IPO7: variants seen among roughly 807,000 people sequenced by gnomAD.
The protein encoded by IPO7 is importin-7.
IPO7 carries 13 observed loss-of-function variants against 136.4 expected under a neutral mutation model. The ratio of observed to expected loss-of-function variants is 0.10; its 90% CI spans 0.06 to 0.15. The LOEUF is 0.15. Among genes scored for constraint, IPO7 ranks in the 10% least tolerant of loss-of-function variants. IPO7 has a pLI of 1.00. For synonymous variants in IPO7, 403 were observed against 404.4 expected, an observed-to-expected ratio of 1.00 and a Z score of 0.04; for missense variants, 857 against 1,240.6, an observed-to-expected ratio of 0.69 and a Z score of 4.65.
chr11:9,436,081 C>G (rs112510743), intron 19 of IPO7, among the ~76,000 whole-genome samples, 190 bp from the exon 20 acceptor site: 2 of 152,236 alleles, frequency 1.3e-5, no homozygotes, highest in African/African-American at 4.8e-5. Flanking sequence ...GCAGACAGCT[C>G]CAGATCCTCA....
In IPO7 at chr11:9,410,038, G is replaced by C; in HGVS notation, c.431G>C (p.Cys144Ser). The C allele has an allele frequency of 2.5e-6, 4 of 1,603,022 alleles. No individual in the cohort carries two copies. Among genetic ancestry groups the C allele is most frequent in the Non-Finnish European group, 3.4e-6 (4 of 1,176,116 alleles). ...GFYLQSDNSACWLGILLCLYQ... is the reference protein window; with the variant it reads ...GFYLQSDNSASWLGILLCLYQ... ...TATCTTCAGTCCGATAACAGTGCTT[G>C]TTGGCTAGGAATTCTTCTTTGCCTT... is the stretch of plus-strand genomic sequence containing the variant. Residue 144 changes from cysteine to serine, a missense_variant, in exon 4 of 25, where the codon TGT becomes TCT. By Grantham distance (112) the Cys-to-Ser change is moderately radical (BLOSUM62 -1). Transcript: ENST00000379719.
At chr11:9,394,040 G>A (rs541115205) in intron 1 of IPO7, among the ~76,000 whole-genome samples, 6 of 151,914 alleles carry the variant, frequency 3.9e-5, no homozygotes, top group Admixed American at 3.3e-4. Flanking sequence ...GCGCCACCAC[G>A]CCCAGCTAAT....
At chr11:9,409,050 G>T (rs1451094101) in intron 3 of IPO7, among the ~76,000 whole-genome samples, 4 of 151,298 alleles carry the variant, frequency 2.6e-5, no homozygotes, top group South Asian at 2.1e-4. Context: ...GAACATATAG[G>T]CCTGTTTTTT....
chr11:9,434,969 G>C lies in IPO7; in HGVS notation c.2110G>C (p.Asp704His). 1.2e-6 allele frequency: 2 copies of C among 1,605,980 alleles called. No homozygotes were observed. Among genetic ancestry groups the C allele is most frequent in the Non-Finnish European group, 1.7e-6 (2 of 1,173,056 alleles). ...CCTCCTTCATAATTATGTAACAGTTGATACAGACACACTTCTGTCTGACAC... is the reference window on the plus strand; with the variant it reads ...CCTCCTTCATAATTATGTAACAGTTCATACAGACACACTTCTGTCTGACAC... ...MPLLHNYVTV[D>H]TDTLLSDTKY... The change falls in exon 19 of 25, where the codon GAT becomes CAT. Residue 704 changes from aspartate to histidine, a missense_variant. Around this residue, in one of 11 missense-constraint regions of IPO7, gnomAD observed 190 missense variants for 249.0 expected, o/e 0.76. Coordinates refer to ENST00000379719, the MANE Select transcript of IPO7 (RefSeq NM_006391.3).
intron 4 of IPO7, among the ~76,000 whole-genome samples, chr11:9,411,243 GT>G (rs1184398420): frequency 6.6e-6 from 1 of 152,208 alleles, no homozygotes; most frequent in African/African-American, 2.4e-5. Context: ...TTGGAATTCA[GT>G]TCATTTTCAG....
chr11:9,436,413 C>G (rs765536279), intron 20 of IPO7, 47 bp downstream of exon 20: 137 of 1,279,710 alleles, frequency 1.1e-4, no homozygotes, highest in Non-Finnish European at 1.4e-4. Context: ...GTAATCTTTT[C>G]CTTCCACTTT....
rs761975581 is a variant in IPO7 at position 9,445,202 on chromosome 11, C to G, written c.*8C>G. 3 of 1,527,326 alleles carry G rather than the reference C, an allele frequency of 2.0e-6. No homozygotes were observed. The highest frequency in any genetic ancestry group is 1.7e-5 in the Admixed American group (1 of 59,910). 94.6% of individuals were successfully genotyped at this position (1,527,326 alleles called of 1,614,324 possible). On this transcript the variant is annotated 3_prime_UTR_variant, in exon 25 of 25. Coordinates refer to ENST00000379719, the MANE Select transcript of IPO7 (RefSeq NM_006391.3). Reference sequence around the variant, plus strand: ...GCACCAGGGATGAATTGAGTTATCTCTTTCTTTCCTGCTGTGTGCTTGTAG... The same window carrying G: ...GCACCAGGGATGAATTGAGTTATCTGTTTCTTTCCTGCTGTGTGCTTGTAG...
Position 9,406,104 on chromosome 11 carries a change from C to CTTTTTTTTTT in IPO7, c.167-2363_167-2354dup, listed in dbSNP as rs71062847. On this transcript the variant is annotated intron_variant, in intron 2 of 24. Transcript: ENST00000379719. ...ATCTCACTATGTTGCTGAGGCTGGT[C>CTTTTTTTTTT]TTTTTTTTTTTTTTTTTTTTTTTTT... 4.9e-5 allele frequency among the ~76,000 whole-genome samples: 3 copies of CTTTTTTTTTT among 61,816 alleles called. 1 individual carries two copies. In the Admixed American group the frequency reaches 9.2e-4, roughly 19 times the overall value. The allele number at this position is 61,816 out of a possible 152,430, so 40.6% of individuals were successfully genotyped here.
chr11:9,420,435 G>A lies in IPO7; in HGVS notation c.751G>A (p.Asp251Asn). The A allele has an allele frequency of 6.2e-7, 1 of 1,610,990 alleles. No individual in the cohort carries two copies. Among genetic ancestry groups the A allele is most frequent in the Non-Finnish European group, 8.5e-7 (1 of 1,178,718 alleles). ...GGAAACACTTCAAGTTGAAGAAGAT[G>A]ATCGACCTGAGTTACCATGGTGGAA... ...PNETLQVEED[D>N]RPELPWWKCK... The change falls in exon 7 of 25, where the codon GAT (aspartate) becomes AAT (asparagine). Residue 251 changes from aspartate (D) to asparagine (N), a missense_variant. Asp to Asn is a conservative substitution (Grantham distance 23). This residue lies in a region of IPO7 where 287 missense variants were observed against 307.5 expected (regional missense o/e 0.93). Transcript: ENST00000379719.
intron 5 of IPO7, among the ~76,000 whole-genome samples, chr11:9,416,348 T>C (rs1855042237): frequency 6.6e-6 from 1 of 152,248 alleles, no homozygotes; most frequent in Non-Finnish European, 1.5e-5. Flanking sequence ...GGTTATTCTT[T>C]TGTTAAGTAA....
chr11:9,405,213 C>T (rs1222660605), intron 2 of IPO7, among the ~76,000 whole-genome samples: 1 of 151,910 alleles, frequency 6.6e-6, no homozygotes, highest in Non-Finnish European at 1.5e-5. Context: ...CTTGCTCTGT[C>T]GCCCAGACTG....
intron 1 of IPO7, among the ~76,000 whole-genome samples, chr11:9,397,173 G>A (rs1854720039): frequency 6.7e-6 from 1 of 149,942 alleles, no homozygotes; most frequent in African/African-American, 2.5e-5. Context: ...AGGCTGGAGT[G>A]GAGTGGTGTG....
rs1855527837 is a variant in IPO7 at position 9,446,373 on chromosome 11, T to G, written c.*1179T>G. 1 of 152,190 alleles carries G rather than the reference T, an allele frequency of 6.6e-6. No homozygotes were observed. The highest frequency in any genetic ancestry group is 1.5e-5 in the Non-Finnish European group (1 of 68,052). 9.4% of individuals were successfully genotyped at this position (152,190 alleles called of 1,614,324 possible). A position where few individuals can be genotyped will look rare whatever the true frequency, so the allele number is the denominator to read the frequency against. ...ACTTACCCACTCCCCTTTCCCCATC[T>G]CTTCTACCGCTCTTGTTGATCGTGG... On this transcript the variant is annotated 3_prime_UTR_variant, in exon 25 of 25. Transcript: ENST00000379719.
intron 4 of IPO7, among the ~76,000 whole-genome samples, chr11:9,410,622 A>G (rs951925431): frequency 6.6e-6 from 1 of 152,180 alleles, no homozygotes; most frequent in Non-Finnish European, 1.5e-5. Flanking sequence ...TAGTTCATAT[A>G]GGTCATTAGT....
chr11:9,435,265 G>A (rs1000840537), intron 19 of IPO7, among the ~76,000 whole-genome samples: 5 of 134,094 alleles, frequency 3.7e-5, no homozygotes, highest in African/African-American at 1.0e-4. Context: ...TAGAGTGCCC[G>A]GAGTTTAACT....
intron 24 of IPO7, among the ~76,000 whole-genome samples, chr11:9,444,213 GGTT>G (rs993145673): frequency 3.1e-4 from 47 of 151,318 alleles, no homozygotes; most frequent in African/African-American, 1.1e-3. Flanking sequence ...GGGAGGCAGA[GGTT>G]GCAGTGAGCC....
At chr11:9,397,341 A>AAAAATATATATAT in intron 1 of IPO7, among the ~76,000 whole-genome samples, 46 of 10,762 alleles carry the variant, frequency 4.3e-3, no homozygotes, top group East Asian at 0.012. Context: ...TTTAAAAAAA[A>AAAAATATATATAT]ATATATATAT....
chr11:9,444,128 A>T (rs947441566), intron 24 of IPO7, among the ~76,000 whole-genome samples: 21 of 151,462 alleles, frequency 1.4e-4, no homozygotes, highest in African/African-American at 5.1e-4. Context: ...AAACACAAAA[A>T]TTAGCTGGAC....
At chr11:9,414,443 A>C in intron 5 of IPO7, 32 bp downstream of exon 5, 1 of 1,422,072 alleles carries the variant, frequency 7.0e-7, no homozygotes, top group Non-Finnish European at 9.6e-7. Flanking sequence ...TTATGCATAA[A>C]AAGTTAGTCT....
Sources: allele counts gnomAD v4.1 joint callset (sites outside exome capture counted in the v4.1 genomes callset), GRCh38; gene constraint gnomAD v4.1.1; regional missense constraint gnomAD v4.1.1; transcripts MANE v1.5; gene names NCBI Gene and HGNC (gene_info 2026-07-23, HGNC 2026-07-21).